The following PARM1 variants were observed in gnomAD, a reference collection of about 807,000 sequenced individuals.
PARM1 encodes the protein WSC4, cell wall integrity and stress response component 4 homolog.
A neutral mutation model predicts 24.6 loss-of-function variants in PARM1; 14 were observed. The observed-to-expected ratio is 0.57, with a 90% CI of 0.38 to 0.89. The LOEUF (loss-of-function observed/expected upper bound fraction) is 0.89, where lower values mean the gene tolerates loss of function less well. Among genes scored for constraint, PARM1 ranks in the 40% least tolerant of loss-of-function variants. The pLI, the probability that PARM1 is intolerant of heterozygous loss-of-function variation, is 0.00. For synonymous variants in PARM1, 179 were observed against 156.6 expected (o/e 1.14, Z -1.07); for missense variants, 362 against 380.4 (o/e 0.95, Z 0.40).
chr4:75,025,060 G>C (rs571508260), intron 2 of PARM1, among the ~76,000 whole-genome samples: 1 of 152,310 alleles, frequency 6.6e-6, no homozygotes, highest in South Asian at 2.1e-4. Flanking sequence ...AGAGATAGAG[G>C]AGAGGGTAAC....
At chr4:75,040,038 C>G (rs946900041) in intron 3 of PARM1, among the ~76,000 whole-genome samples, 3 of 152,214 alleles carry the variant, frequency 2.0e-5, no homozygotes, top group Non-Finnish European at 4.4e-5. Context: ...CCAGTTTTCT[C>G]CACTAGAACA....
At chr4:75,040,961 G>C (rs1399956623) in intron 3 of PARM1, among the ~76,000 whole-genome samples, 1 of 151,806 alleles carries the variant, frequency 6.6e-6, no homozygotes, top group Non-Finnish European at 1.5e-5. Context: ...ATCATATTCA[G>C]AATTACAGTC....
intron 1 of PARM1, among the ~76,000 whole-genome samples, chr4:74,934,003 G>T (rs1029530980): frequency 1.3e-5 from 2 of 152,094 alleles, no homozygotes. Context: ...CCCCAAAAAC[G>T]TATCCCATAG....
intron 3 of PARM1, among the ~76,000 whole-genome samples, chr4:75,036,557 C>T (rs937730622): frequency 6.6e-5 from 10 of 152,160 alleles, no homozygotes; most frequent in Non-Finnish European, 1.0e-4. Flanking sequence ...CTGGAAGGAG[C>T]CCCAGGAAGA....
rs187722337 is a variant in PARM1, at chr4:74,980,002, A to G, written c.44-32423A>G. 1.8e-3 allele frequency among the ~76,000 whole-genome samples: 269 copies of G among 152,182 alleles called. 2 individuals are homozygous for G. The highest frequency in any genetic ancestry group is 6.3e-3 in the African/African-American group (262 of 41,540). ...AAGAGCCATTTATGACAAACCCACA[A>G]CCAATATCATACTAAATGGGTAAAA... On this transcript the variant is annotated intron_variant, in intron 1 of 3. Transcript: ENST00000307428.
chr4:75,032,500 T>C (rs921243309), intron 2 of PARM1, among the ~76,000 whole-genome samples: 1 of 152,184 alleles, frequency 6.6e-6, no homozygotes, highest in Non-Finnish European at 1.5e-5. Flanking sequence ...TAAAATAATC[T>C]ACAGTGATAA....
At chr4:75,022,689 C>A (rs1213914921) in intron 2 of PARM1, among the ~76,000 whole-genome samples, 3 of 152,082 alleles carry the variant, frequency 2.0e-5, no homozygotes, top group Non-Finnish European at 1.5e-5. Flanking sequence ...CAGCTGATAC[C>A]ATTAATATGC....
rs374494865 is a variant in PARM1, at chr4:74,993,413, G to A, written c.44-19012G>A. 3.3e-3 allele frequency among the ~76,000 whole-genome samples: 506 copies of A among 152,166 alleles called. 5 individuals are homozygous for A. The highest frequency in any genetic ancestry group is 0.011 in the African/African-American group (471 of 41,524). On this transcript the variant is annotated intron_variant, in intron 1 of 3. Transcript: ENST00000307428. ...CTGGCTACACCTTGTTTGCAGCTTT[G>A]TGCAAGGCCCCAAGAGAGGATCCAG...
intron 1 of PARM1, chr4:74,994,317 T>C (rs1722533173): frequency 6.6e-6 from 1 of 152,174 alleles, no homozygotes; most frequent in Non-Finnish European, 1.5e-5. Context: ...CAACACCAAA[T>C]TGCCTTAAAA....
chr4:75,004,247 A>G (rs967224629), intron 1 of PARM1, among the ~76,000 whole-genome samples: 1 of 152,222 alleles, frequency 6.6e-6, no homozygotes, highest in East Asian at 1.9e-4. Context: ...TTTATTGAGC[A>G]CTTTCTCTGT....
chr4:74,982,030 G>T (rs1471195767), intron 1 of PARM1, among the ~76,000 whole-genome samples: 1 of 152,000 alleles, frequency 6.6e-6, no homozygotes, highest in South Asian at 2.1e-4. Context: ...AATAGCAAAG[G>T]CATGGCATCA....
intron 1 of PARM1, among the ~76,000 whole-genome samples, chr4:74,964,995 T>C (rs1721868579): frequency 6.6e-6 from 1 of 152,120 alleles, no homozygotes; most frequent in South Asian, 2.1e-4. Flanking sequence ...ATTAGTAAAT[T>C]TGTGATACTT....
chr4:75,023,111 G>T (rs1195846190), intron 2 of PARM1, among the ~76,000 whole-genome samples: 2 of 152,214 alleles, frequency 1.3e-5, no homozygotes, highest in Admixed American at 6.5e-5. Context: ...GTCCATGGAT[G>T]TGGGCCATCA....
chr4:74,988,170 A>G (rs1722394127), intron 1 of PARM1, among the ~76,000 whole-genome samples: 2 of 152,174 alleles, frequency 1.3e-5, no homozygotes, highest in Admixed American at 6.5e-5. Context: ...ACACATTTAC[A>G]CAACTGTAGG....
chr4:74,986,749 GA>G (rs201772910), intron 1 of PARM1, among the ~76,000 whole-genome samples: 1 of 152,002 alleles, frequency 6.6e-6, no homozygotes, highest in Non-Finnish European at 1.5e-5. Flanking sequence ...AATTTCAATG[GA>G]AAAAAATGAC....
rs552488539 is a variant in PARM1 at position 74,938,488 on chromosome 4, T to A, written c.43+5118T>A. On this transcript the variant is annotated intron_variant, in intron 1 of 3. Coordinates refer to ENST00000307428, the MANE Select transcript of PARM1 (RefSeq NM_015393.4). ...AAGCAGTTTCTTGGAAAAATTGATG[T>A]TTTATGTACAAGACAGTGGTAATTC... 3.3e-5 allele frequency among the ~76,000 whole-genome samples: 5 copies of A among 152,310 alleles called. No individual in the cohort carries two copies. In the East Asian group the frequency reaches 7.7e-4, roughly 23 times the overall value.
intron 1 of PARM1, among the ~76,000 whole-genome samples, chr4:74,979,688 C>G (rs534113920): frequency 2.0e-4 from 31 of 152,184 alleles, no homozygotes; most frequent in Non-Finnish European, 3.8e-4. Context: ...GGCCAACATC[C>G]CTGATGAACA....
chr4:74,933,364 A>G lies in PARM1; in HGVS notation c.37A>G (p.Thr13Ala), dbSNP rs570080801. Residue 13 changes from threonine to alanine, a missense_variant, in exon 1 of 4, where the codon ACT becomes GCT. By Grantham distance (58) the Thr-to-Ala change is moderately conservative. Coordinates refer to ENST00000307428, the MANE Select transcript of PARM1 (RefSeq NM_015393.4). ...YKTLFALCIL[T>A]AGWRVQSLPT... ...GACTCTCTTCGCTCTTTGCATCTTA[A>G]CTGCAGGTAATTGGCGCCATCCTCC... 6.2e-7 allele frequency: 1 copy of G among 1,612,640 alleles called. No homozygotes were observed. Among genetic ancestry groups the G allele is most frequent in the East Asian group, 2.2e-5 (1 of 44,810 alleles).
At position 75,046,353 on chromosome 4, in the gene PARM1, C is replaced by T. The variant is rs143626167; in HGVS notation, c.*106C>T. ...GCGCATTGAACGACAATCTTAAGCC[C>T]TGTTTTGTTGGTATGGTTGTTTTTG... On this transcript the variant is annotated 3_prime_UTR_variant, in exon 4 of 4. Transcript: ENST00000307428. 2.2e-5 allele frequency: 16 copies of T among 726,990 alleles called. No individual in the cohort carries two copies. In the East Asian group the frequency reaches 4.5e-4, roughly 20 times the overall value. The allele number at this position is 726,990 out of a possible 1,614,324, so 45.0% of individuals were successfully genotyped here.
Sources: allele counts gnomAD v4.1 joint callset (sites outside exome capture counted in the v4.1 genomes callset), GRCh38; gene constraint gnomAD v4.1.1; transcripts MANE v1.5; gene names NCBI Gene and HGNC (gene_info 2026-07-23, HGNC 2026-07-21).